The following CPNE2 variants were observed in gnomAD, a reference collection of about 807,000 sequenced individuals.
CPNE2 encodes the protein copine 2, also known as copine-2.
Under a neutral mutation model 69.7 loss-of-function variants are expected in CPNE2, and 42 were observed. The ratio of observed to expected loss-of-function variants is 0.60; its 90% CI spans 0.47 to 0.78. CPNE2 has a LOEUF of 0.78. Ranked by LOEUF, CPNE2 falls within the 30% of genes least tolerant of loss-of-function variation. The pLI, the probability that CPNE2 is intolerant of heterozygous loss-of-function variation, is 0.00. For synonymous variants in CPNE2, 294 were observed against 289.8 expected (o/e 1.01, Z -0.15); for missense variants, 587 against 732.0 (o/e 0.80, Z 2.29).
chr16:57,098,768 C>T (rs2069594523), intron 1 of CPNE2, among the ~76,000 whole-genome samples: 1 of 152,140 alleles, frequency 6.6e-6, no homozygotes, highest in South Asian at 2.1e-4. Flanking sequence ...TTCTGTGCCT[C>T]TGGGTGTTGG....
At chr16:57,097,256 A>C (rs1196583812) in intron 1 of CPNE2, among the ~76,000 whole-genome samples, 1 of 151,916 alleles carries the variant, frequency 6.6e-6, no homozygotes, top group Non-Finnish European at 1.5e-5. Context: ...TCATTTGCTC[A>C]CCTCTCTGTT....
Position 57,113,314 on chromosome 16 carries a change from C to A in CPNE2, c.207C>A (p.Asn69Lys). 1.2e-6 allele frequency: 2 copies of A among 1,614,078 alleles called. No homozygotes were observed. The highest frequency in any genetic ancestry group is 1.7e-6 in the Non-Finnish European group (2 of 1,179,956). The change falls in exon 3 of 16, where the codon AAC (asparagine) becomes AAA (lysine). Residue 69 changes from asparagine to lysine, a missense_variant. Asn to Lys is a moderately conservative substitution (Grantham distance 94, BLOSUM62 0). Transcript: ENST00000290776. ...ACGACAGGACAGAAACCGCGATCAACAACCTCAACCCCGCCTTCTCCAAGA... is the reference window on the plus strand; with the variant it reads ...ACGACAGGACAGAAACCGCGATCAAAAACCTCAACCCCGCCTTCTCCAAGA... ...IEYDRTETAI[N>K]NLNPAFSKKF...
At chr16:57,112,679 C>T (rs568603884) in intron 2 of CPNE2, among the ~76,000 whole-genome samples, 1 of 152,178 alleles carries the variant, frequency 6.6e-6, no homozygotes, top group Non-Finnish European at 1.5e-5. Flanking sequence ...CTCAGCCAGG[C>T]TTTGGTATCC....
At chr16:57,123,072 G>A (rs2069774564) in intron 9 of CPNE2, among the ~76,000 whole-genome samples, 1 of 152,166 alleles carries the variant, frequency 6.6e-6, no homozygotes, top group African/African-American at 2.4e-5. Flanking sequence ...TGTTAAAAAG[G>A]TAGATTAATA....
rs147712310 is a variant in CPNE2, at chr16:57,115,421, C to T, written c.361-55C>T. ...TTCCGGTGCCGGTGGAGGATTTTTC[C>T]TTCCCGGGCTTCCCCCGCTTCCTCA... On this transcript the variant is annotated intron_variant, in intron 3 of 15. Coordinates refer to ENST00000290776, the MANE Select transcript of CPNE2 (RefSeq NM_152727.6). 7.9e-5 allele frequency: 114 copies of T among 1,436,112 alleles called. 1 individual carries two copies. In the East Asian group the frequency reaches 2.5e-3, roughly 31 times the overall value. 89.0% of individuals were successfully genotyped at this position (1,436,112 alleles called of 1,614,324 possible).
chr16:57,120,969 A>G (rs2069757114), intron 7 of CPNE2, 124 bp from the exon 8 acceptor site: 10 of 633,850 alleles, frequency 1.6e-5, no homozygotes, highest in Non-Finnish European at 2.7e-5. Flanking sequence ...CAGGCCAGCT[A>G]GGCAGATGCT....
chr16:57,110,934 C>T lies in CPNE2; in HGVS notation c.180+12C>T. ...GCAGATGGATCGAGGTGAGGCTCTT[C>T]CGTGTGTCTGCGGTGGGTAAGGGGG... On this transcript the variant is annotated intron_variant, in intron 2 of 15. Coordinates refer to ENST00000290776, the MANE Select transcript of CPNE2 (RefSeq NM_152727.6). 6.2e-7 allele frequency: 1 copy of T among 1,607,558 alleles called. No individual in the cohort carries two copies. Among genetic ancestry groups the T allele is most frequent in the Non-Finnish European group, 8.5e-7 (1 of 1,176,498 alleles).
Position 57,130,148 on chromosome 16 carries a change from A to G in CPNE2, c.1116+2245A>G, listed in dbSNP as rs2069827293. On this transcript the variant is annotated intron_variant, in intron 12 of 15. Coordinates refer to ENST00000290776, the MANE Select transcript of CPNE2 (RefSeq NM_152727.6). This position sits in a 1 kb window ranked among gnomAD's most constrained non-coding sequence, Gnocchi z 4.1. The stretch of plus-strand genomic sequence containing the variant: ...ATAATCTTAGCACTTTGGGAGGCTG[A>G]GGAGGGTGGATCACAAGGTGAGGAG... Among the ~76,000 whole-genome samples the G allele has an allele frequency of 6.6e-6, 1 of 152,056 alleles. No individual in the cohort carries two copies.
At chr16:57,122,060 C>A (rs531082768) in intron 9 of CPNE2, among the ~76,000 whole-genome samples, 17 of 152,224 alleles carry the variant, frequency 1.1e-4, no homozygotes, top group African/African-American at 4.1e-4. Flanking sequence ...ATTGTCATTG[C>A]GAGTTGCTGC....
intron 1 of CPNE2, among the ~76,000 whole-genome samples, chr16:57,109,475 C>CA (rs1170223475): frequency 0.16 from 15,342 of 94,366 alleles, 1,113 homozygotes; most frequent in African/African-American, 0.23. Flanking sequence ...GACTCTGCCT[C>CA]AAAAAAAAAA....
At chr16:57,103,172 G>T (rs778169095) in intron 1 of CPNE2, among the ~76,000 whole-genome samples, 1 of 151,774 alleles carries the variant, frequency 6.6e-6, no homozygotes, top group Non-Finnish European at 1.5e-5. Flanking sequence ...ACCCAGATTC[G>T]AGCGCAGTGG....
chr16:57,101,963 T>C (rs2069617009), intron 1 of CPNE2, among the ~76,000 whole-genome samples: 2 of 151,806 alleles, frequency 1.3e-5, no homozygotes, highest in South Asian at 2.1e-4. Context: ...TTTTTTTTTT[T>C]TGAGACAGGG....
chr16:57,102,266 C>A (rs2069619648), intron 1 of CPNE2, among the ~76,000 whole-genome samples: 1 of 152,134 alleles, frequency 6.6e-6, no homozygotes, highest in Non-Finnish European at 1.5e-5. Flanking sequence ...GCATTTCTAG[C>A]AGGCTCCGGG....
At chr16:57,100,029 T>G (rs1338925362) in intron 1 of CPNE2, among the ~76,000 whole-genome samples, 3 of 152,160 alleles carry the variant, frequency 2.0e-5, no homozygotes, top group African/African-American at 7.2e-5. Flanking sequence ...TGCCTCGGCC[T>G]CTCAAAGTGC....
chr16:57,145,616 A>G (rs2069950981), intron 14 of CPNE2: 1 of 201,292 alleles, frequency 5.0e-6, no homozygotes, highest in South Asian at 7.3e-5. Context: ...CCCATCAGCC[A>G]GATGAGTCCC....
chr16:57,137,884 G>A (rs1396405616), intron 14 of CPNE2, among the ~76,000 whole-genome samples: 1 of 152,192 alleles, frequency 6.6e-6, no homozygotes, highest in Non-Finnish European at 1.5e-5. Flanking sequence ...CCAGTGGTGG[G>A]GTCACCAAAG....
chr16:57,134,760 T>C lies in CPNE2; in HGVS notation c.1117-15T>C. ...GGGCGGGAGGCTGCAGCTCAGCGTT[T>C]TCTCTGCGTTTCAGGTCTCCCATGA... On this transcript the variant is annotated splice_polypyrimidine_tract_variant and intron_variant, in intron 12 of 15. Coordinates refer to ENST00000290776, the MANE Select transcript of CPNE2 (RefSeq NM_152727.6). 1.2e-6 allele frequency: 2 copies of C among 1,613,878 alleles called. No individual in the cohort carries two copies. The highest frequency in any genetic ancestry group is 1.7e-6 in the Non-Finnish European group (2 of 1,179,884).
chr16:57,121,063 T>C, intron 7 of CPNE2, 30 bp from the exon 8 acceptor site: 6 of 1,567,594 alleles, frequency 3.8e-6, no homozygotes, highest in Non-Finnish European at 5.3e-6. Flanking sequence ...GGGGGACAGC[T>C]CTGGGGTGAC....
chr16:57,147,778 C>T lies in CPNE2; in HGVS notation c.*120C>T. Reference sequence around the variant, plus strand: ...TACCGATCCCCTTTTTTATTTTTTACAACCGGACCTCCACCCCCAACTTCC... The same window carrying T: ...TACCGATCCCCTTTTTTATTTTTTATAACCGGACCTCCACCCCCAACTTCC... On this transcript the variant is annotated 3_prime_UTR_variant, in exon 16 of 16. Coordinates refer to ENST00000290776, the MANE Select transcript of CPNE2 (RefSeq NM_152727.6). 1.7e-6 allele frequency: 1 copy of T among 573,678 alleles called. No homozygotes were observed. Among genetic ancestry groups the T allele is most frequent in the Non-Finnish European group, 2.8e-6 (1 of 358,782 alleles). The allele number at this position is 573,678 out of a possible 1,614,324, so 35.5% of individuals were successfully genotyped here. A position where few individuals can be genotyped will look rare whatever the true frequency, so the allele number is the denominator to read the frequency against.
Sources: gnomAD v4.1 joint callset for allele counts (sites outside exome capture counted in the v4.1 genomes callset) on GRCh38, gnomAD v4.1.1 for gene constraint, Gnocchi (gnomAD v3.1) non-coding constraint, MANE v1.5 for transcripts, NCBI Gene and HGNC (gene_info 2026-07-23, HGNC 2026-07-21) for gene names.